PLCH1: variants seen among roughly 807,000 people sequenced by gnomAD.
The protein encoded by PLCH1 is phospholipase C eta 1.
A neutral mutation model predicts 126.7 loss-of-function variants in PLCH1; 60 were observed. That is an observed-to-expected ratio of 0.47 (90% CI 0.38 to 0.59). The LOEUF (loss-of-function observed/expected upper bound fraction) is 0.59, where lower values mean the gene tolerates loss of function less well. PLCH1 is among the 20% of genes least tolerant of loss of function. The pLI, the probability that PLCH1 is intolerant of heterozygous loss-of-function variation, is 0.00. For missense variants in PLCH1, 1,723 were observed against 2,040.0 expected (o/e 0.84, Z 2.99); for synonymous variants, 719 against 734.9 (o/e 0.98, Z 0.35).
At chr3:155,524,274 A>G (rs929869568) in intron 10 of PLCH1, among the ~76,000 whole-genome samples, 1 of 152,238 alleles carries the variant, frequency 6.6e-6, no homozygotes, top group African/African-American at 2.4e-5. Context: ...AGAGACAGAA[A>G]GTAAAATGGT....
intron 2 of PLCH1, among the ~76,000 whole-genome samples, chr3:155,694,661 A>G (rs1745662352): frequency 2.0e-5 from 3 of 152,174 alleles, no homozygotes. Context: ...TACGTCAGTC[A>G]CATATGCTGA....
chr3:155,470,414 T>C (rs552493533), intron 21 of PLCH1, among the ~76,000 whole-genome samples: 21 of 152,074 alleles, frequency 1.4e-4, no homozygotes, highest in African/African-American at 4.6e-4. Context: ...CTCCAAGAAA[T>C]ATGGGACTAT....
At chr3:155,735,467 C>A (rs1749106908) in intron 1 of PLCH1, among the ~76,000 whole-genome samples, 1 of 152,056 alleles carries the variant, frequency 6.6e-6, no homozygotes, top group Non-Finnish European at 1.5e-5. Context: ...AACCCCATCT[C>A]TACTAAAAAT....
At chr3:155,497,707 A>T (rs1717256571) in intron 14 of PLCH1, among the ~76,000 whole-genome samples, 1 of 152,016 alleles carries the variant, frequency 6.6e-6, no homozygotes, top group Non-Finnish European at 1.5e-5. Flanking sequence ...GAAATAAACA[A>T]TTCATGAGAT....
intron 18 of PLCH1, among the ~76,000 whole-genome samples, chr3:155,492,253 T>G (rs910202823): frequency 2.6e-5 from 4 of 152,146 alleles, no homozygotes; most frequent in African/African-American, 9.7e-5. Flanking sequence ...GAAAAAAGAC[T>G]GTGGCCGCAG....
intron 10 of PLCH1, among the ~76,000 whole-genome samples, chr3:155,539,487 G>A (rs1723924080): frequency 6.6e-6 from 1 of 152,018 alleles, no homozygotes; most frequent in South Asian, 2.1e-4. Context: ...TGATGATATG[G>A]TTGTATACCT....
intron 1 of PLCH1, among the ~76,000 whole-genome samples, chr3:155,733,479 C>T (rs1488585720): frequency 6.6e-6 from 1 of 152,150 alleles, no homozygotes; most frequent in Non-Finnish European, 1.5e-5. Flanking sequence ...AAAGAACAGT[C>T]TCTTCGATAA....
chr3:155,612,908 T>TTAAAAAAA (rs536404616), intron 2 of PLCH1, among the ~76,000 whole-genome samples: 1 of 94,638 alleles, frequency 1.1e-5, no homozygotes, highest in Non-Finnish European at 1.9e-5. Context: ...AACTGTGTAT[T>TTAAAAAAA]AAAAAAAAAA....
At chr3:155,736,376 A>C (rs1201138856) in intron 1 of PLCH1, among the ~76,000 whole-genome samples, 1 of 152,246 alleles carries the variant, frequency 6.6e-6, no homozygotes, top group Admixed American at 6.5e-5. Context: ...TTTCCATTTA[A>C]GAAGAAAAGA....
downstream of PLCH1, among the ~76,000 whole-genome samples, chr3:155,475,358 A>AT (rs1713493794): frequency 6.6e-6 from 1 of 152,152 alleles, no homozygotes; most frequent in Non-Finnish European, 1.5e-5. Context: ...AAGTGCCTAC[A>AT]TTTAAAAAGA....
At chr3:155,706,130 C>T (rs1486104742) in intron 1 of PLCH1, among the ~76,000 whole-genome samples, 5 of 131,702 alleles carry the variant, frequency 3.8e-5, no homozygotes, top group East Asian at 2.5e-4. Context: ...GGTGAGACAG[C>T]GCCACTGCAC....
chr3:155,667,903 TA>T lies in PLCH1; in HGVS notation c.79+36242del, dbSNP rs35373040. On this transcript the variant is annotated intron_variant, in intron 2 of 22. Transcript: ENST00000460012. The stretch of plus-strand genomic sequence containing the variant: ...AACATGGCGAAACCCCATCTCTACT[TA>T]AAAAAAAAAAAAAAAAAAAAAAATA... Among the ~76,000 whole-genome samples the T allele has an allele frequency of 9.4e-3, 710 of 75,598 alleles. 6 individuals are homozygous for T. The highest frequency in any genetic ancestry group is 0.026 in the African/African-American group (402 of 15,456). The allele number at this position is 75,598 out of a possible 152,430, so 49.6% of individuals were successfully genotyped here. A position where few individuals can be genotyped will look rare whatever the true frequency, so the allele number is the denominator to read the frequency against.
chr3:155,667,473 G>C (rs1742854377), intron 2 of PLCH1, among the ~76,000 whole-genome samples: 1 of 152,120 alleles, frequency 6.6e-6, no homozygotes, highest in Admixed American at 6.5e-5. Context: ...CCTTAGAATA[G>C]TGTCAGAAAA....
chr3:155,475,572 C>T (rs556396537), downstream of PLCH1, among the ~76,000 whole-genome samples: 2 of 151,680 alleles, frequency 1.3e-5, no homozygotes, highest in South Asian at 2.1e-4. Context: ...AACCTTTAGC[C>T]AGACTAAGAA....
intron 15 of PLCH1, among the ~76,000 whole-genome samples, chr3:155,495,632 A>C (rs1716931105): frequency 6.6e-6 from 1 of 152,198 alleles, no homozygotes; most frequent in Admixed American, 6.5e-5. Flanking sequence ...AGTCATATCT[A>C]GACTCTGCAT....
chr3:155,541,468 T>G, intron 10 of PLCH1, among the ~76,000 whole-genome samples: 1 of 152,210 alleles, frequency 6.6e-6, no homozygotes. Flanking sequence ...GGTTATCAAC[T>G]GGCTTAATTT....
In PLCH1 at chr3:155,497,389, G is replaced by C. The variant is rs776611630; in HGVS notation, c.1825C>G (p.Leu609Val). Reference protein sequence around the residue: ...RLGRRRKTMKLCRELSDLVVY... With the variant: ...RLGRRRKTMKVCRELSDLVVY... ...ACCAAATCAGAGAGTTCTCGGCAGA[G>C]CTTCATGGTTTTCCTTCGGCGACCC... is the stretch of plus-strand genomic sequence containing the variant. Residue 609 changes from leucine to valine, a missense_variant, in exon 15 of 23, where the codon CTC becomes GTC. Physicochemically the swap from Leu to Val is conservative, Grantham distance 32. Coordinates refer to ENST00000460012, the MANE Select transcript of PLCH1 (RefSeq NM_014996.4). 6.2e-7 allele frequency: 1 copy of C among 1,613,852 alleles called. No homozygotes were observed. Among genetic ancestry groups the C allele is most frequent in the Admixed American group, 1.7e-5 (1 of 60,010 alleles).
At chr3:155,636,373 T>C (rs1454823905) in intron 2 of PLCH1, among the ~76,000 whole-genome samples, 1 of 152,216 alleles carries the variant, frequency 6.6e-6, no homozygotes, top group East Asian at 1.9e-4. Flanking sequence ...ATAGCAAATT[T>C]AAATCAAGAT....
chr3:155,549,844 T>G lies in PLCH1; in HGVS notation c.1305A>C (p.Thr435=). The stretch of plus-strand genomic sequence containing the variant: ...GGCTTGGAAGCTGCTTGCACTCCCC[T>G]GTATCAACAGATGACAGGTCCAGTT... ...GDKLDLSSVD[T]GECKQLPSPQ... Residue 435 remains threonine (T), a synonymous_variant, in exon 10 of 23, where the codon ACA becomes ACC. Transcript: ENST00000460012. 6.2e-7 allele frequency: 1 copy of G among 1,614,028 alleles called. No homozygotes were observed. The highest frequency in any genetic ancestry group is 8.5e-7 in the Non-Finnish European group (1 of 1,179,878).
Sources: gnomAD v4.1 joint callset for allele counts (sites outside exome capture counted in the v4.1 genomes callset) on GRCh38, gnomAD v4.1.1 for gene constraint, MANE v1.5 for transcripts, NCBI Gene and HGNC (gene_info 2026-07-23, HGNC 2026-07-21) for gene names.